The following DAAM1 variants were observed in gnomAD, a reference collection of about 807,000 sequenced individuals.
DAAM1 encodes dishevelled associated activator of morphogenesis 1, also known as disheveled-associated activator of morphogenesis 1.
In DAAM1, 52 loss-of-function variants were observed where a neutral mutation model predicts 130.0. The ratio of observed to expected loss-of-function variants is 0.40; its 90% confidence interval spans 0.32 to 0.50. The LOEUF (loss-of-function observed/expected upper bound fraction) is 0.50. DAAM1 is among the 20% of genes least tolerant of loss of function. The pLI is 0.61. For missense variants in DAAM1, 1,134 were observed against 1,303.8 expected, an observed-to-expected ratio of 0.87 and a Z score of 2.01; for synonymous variants, 452 against 444.5, an observed-to-expected ratio of 1.02 and a Z score of -0.21.
chr14:59,270,564 G>A (rs980846033), intron 2 of DAAM1, among the ~76,000 whole-genome samples: 1 of 152,076 alleles, frequency 6.6e-6, no homozygotes, highest in East Asian at 1.9e-4. Context: ...AGATTTGGAG[G>A]GGAACACACA....
chr14:59,191,183 T>C (rs1887719167), intron 1 of DAAM1, among the ~76,000 whole-genome samples: 1 of 152,208 alleles, frequency 6.6e-6, no homozygotes, highest in Non-Finnish European at 1.5e-5. Context: ...AGGTAAATGC[T>C]TGGGATTGCT....
Position 59,315,370 on chromosome 14 carries a change from T to A in DAAM1, c.345+19T>A. The A allele has an allele frequency of 6.2e-7, 1 of 1,609,960 alleles. No individual in the cohort carries two copies. The highest frequency in any genetic ancestry group is 8.5e-7 in the Non-Finnish European group (1 of 1,176,664). On this transcript the variant is annotated intron_variant, in intron 4 of 24. Transcript: ENST00000360909. ...GGCTGCTGTAAGTAGACTTTTATGT[T>A]CTTTGACACACTGTTTAAAATGCAA... is the stretch of plus-strand genomic sequence containing the variant.
intron 1 of DAAM1, among the ~76,000 whole-genome samples, chr14:59,205,400 G>A (rs17255402): frequency 0.059 from 9,009 of 152,228 alleles, 372 homozygotes; most frequent in Non-Finnish European, 0.089. Context: ...AGTTCTTACA[G>A]AAAATAGATA....
intron 22 of DAAM1, 137 bp from the exon 23 acceptor site, chr14:59,363,514 C>G: frequency 2.3e-6 from 3 of 1,304,230 alleles, no homozygotes; most frequent in Non-Finnish European, 3.1e-6. Context: ...TAGAGTATAA[C>G]AAAATGTTTT....
intron 1 of DAAM1, among the ~76,000 whole-genome samples, chr14:59,223,200 C>T (rs1271164594): frequency 1.3e-5 from 2 of 152,196 alleles, no homozygotes; most frequent in Non-Finnish European, 2.9e-5. Context: ...CTTACTTGTG[C>T]CTTCAGGATC....
intron 1 of DAAM1, among the ~76,000 whole-genome samples, chr14:59,201,758 T>A (rs573099831): frequency 8.6e-5 from 13 of 150,356 alleles, no homozygotes; most frequent in African/African-American, 3.2e-4. Flanking sequence ...GGTGTCACTC[T>A]ACTCCAGCTT....
At chr14:59,209,976 T>C (rs867995626) in intron 1 of DAAM1, among the ~76,000 whole-genome samples, 1 of 149,694 alleles carries the variant, frequency 6.7e-6, no homozygotes, top group African/African-American at 2.5e-5. Flanking sequence ...AAAAAAAAAA[T>C]AGGAAAAAAA....
chr14:59,294,592 G>T (rs1216126721), intron 3 of DAAM1, among the ~76,000 whole-genome samples: 2 of 151,382 alleles, frequency 1.3e-5, no homozygotes, highest in Non-Finnish European at 2.9e-5. Context: ...TTCATGAAAG[G>T]TCCAAAAAGG....
chr14:59,192,251 A>C (rs963328408), intron 1 of DAAM1, among the ~76,000 whole-genome samples: 8 of 151,690 alleles, frequency 5.3e-5, no homozygotes, highest in Admixed American at 2.0e-4. Flanking sequence ...TGGTCCTTAA[A>C]ACAAATAAGG....
At chr14:59,351,099 T>C (rs1216755638) in intron 17 of DAAM1, among the ~76,000 whole-genome samples, 2 of 151,984 alleles carry the variant, frequency 1.3e-5, no homozygotes, top group Non-Finnish European at 2.9e-5. Context: ...TCAATTCATG[T>C]TCCCTGTTAT....
At chr14:59,350,315 C>T (rs1886242172) in intron 17 of DAAM1, among the ~76,000 whole-genome samples, 1 of 151,980 alleles carries the variant, frequency 6.6e-6, no homozygotes, top group Admixed American at 6.6e-5. Context: ...CAACCTCGCC[C>T]TCTCTACTCT....
chr14:59,239,518 C>T (rs1889412229), intron 1 of DAAM1, among the ~76,000 whole-genome samples: 1 of 152,160 alleles, frequency 6.6e-6, no homozygotes, highest in Admixed American at 6.5e-5. Flanking sequence ...TCCTCCCCTG[C>T]CCCAACTAGC....
intron 1 of DAAM1, 129 bp from the exon 2 acceptor site, chr14:59,263,312 C>T: frequency 1.4e-6 from 1 of 717,918 alleles, no homozygotes; most frequent in Non-Finnish European, 2.3e-6. Flanking sequence ...CGGTGTTGTT[C>T]TCTCTGTGCC....
At chr14:59,314,545 G>T (rs145394779) in intron 3 of DAAM1, among the ~76,000 whole-genome samples, 125 of 152,056 alleles carry the variant, frequency 8.2e-4, no homozygotes, top group Admixed American at 3.3e-3. Context: ...AGAAGCCCTG[G>T]GGGGCTTAGG....
At chr14:59,297,073 A>G (rs1168653628) in intron 3 of DAAM1, among the ~76,000 whole-genome samples, 2 of 152,182 alleles carry the variant, frequency 1.3e-5, no homozygotes, top group Non-Finnish European at 2.9e-5. Context: ...GTTGGTCAAC[A>G]GGAGCTGCCC....
intron 1 of DAAM1, among the ~76,000 whole-genome samples, chr14:59,240,406 G>A (rs1368393875): frequency 6.6e-6 from 1 of 152,138 alleles, no homozygotes; most frequent in African/African-American, 2.4e-5. Flanking sequence ...CCATGAATCA[G>A]GGTTCTTCAA....
intron 1 of DAAM1, among the ~76,000 whole-genome samples, chr14:59,245,027 C>G (rs149345370): frequency 6.6e-6 from 1 of 152,132 alleles, no homozygotes; most frequent in African/African-American, 2.4e-5. Flanking sequence ...TGTAAGATAA[C>G]TGATGATCTC....
intron 1 of DAAM1, among the ~76,000 whole-genome samples, chr14:59,242,620 G>A (rs951076219): frequency 4.6e-5 from 7 of 152,074 alleles, no homozygotes; most frequent in African/African-American, 1.4e-4. Context: ...GTGCAGTGGC[G>A]TGATCTCGGC....
At chr14:59,360,719 C>A in intron 21 of DAAM1, 83 bp from the exon 22 acceptor site, 2 of 1,196,432 alleles carry the variant, frequency 1.7e-6, no homozygotes, top group African/African-American at 1.5e-5. Flanking sequence ...GATGGACTTC[C>A]AAGCGTGAAA....
Sources: gnomAD v4.1 joint callset for allele counts (sites outside exome capture counted in the v4.1 genomes callset) on GRCh38, gnomAD v4.1.1 for gene constraint, MANE v1.5 for transcripts, NCBI Gene and HGNC (gene_info 2026-07-23, HGNC 2026-07-21) for gene names.